Variants in TRIM25 observed in about 807,000 individuals in gnomAD.
TRIM25 encodes E3 ubiquitin/ISG15 ligase TRIM25.
In TRIM25, 45 loss-of-function variants were observed where a neutral mutation model predicts 65.2. The ratio of observed to expected loss-of-function variants is 0.69; its 90% CI spans 0.54 to 0.89. The LOEUF is 0.89. Ranked by LOEUF, TRIM25 falls within the 40% of genes least tolerant of loss-of-function variation. The probability of loss-of-function intolerance (pLI) is 0.00; values close to 1 mark genes in which losing one functional copy is unlikely to be tolerated. For synonymous variants in TRIM25, 321 were observed against 340.4 expected (o/e 0.94, Z 0.63); for missense variants, 714 against 803.7 (o/e 0.89, Z 1.35).
At chr17:56,901,900 T>C (rs540657055) in intron 3 of TRIM25, among the ~76,000 whole-genome samples, 96 of 152,210 alleles carry the variant, frequency 6.3e-4, no homozygotes, top group African/African-American at 2.3e-3. Context: ...TTCTTTCCAC[T>C]TTTCCAGCTA....
At chr17:56,894,391 G>A (rs1286383723) in intron 8 of TRIM25, among the ~76,000 whole-genome samples, 1 of 152,188 alleles carries the variant, frequency 6.6e-6, no homozygotes, top group East Asian at 1.9e-4. Context: ...TGGGATTATA[G>A]GCATGTGCCA....
intron 5 of TRIM25, among the ~76,000 whole-genome samples, chr17:56,896,286 T>C (rs1909291847): frequency 6.6e-6 from 1 of 151,608 alleles, no homozygotes; most frequent in Non-Finnish European, 1.5e-5. Context: ...AAAAAAGAGA[T>C]TTACTGCAGG....
chr17:56,898,822 A>G (rs1909350923), intron 5 of TRIM25: 3 of 332,266 alleles, frequency 9.0e-6, no homozygotes, highest in Admixed American at 9.2e-5. Flanking sequence ...CTGGACCGCC[A>G]TCAGTCTCCT....
At chr17:56,895,233 G>A in intron 8 of TRIM25, 110 bp downstream of exon 8, 1 of 762,830 alleles carries the variant, frequency 1.3e-6, no homozygotes, top group Non-Finnish European at 2.2e-6. Flanking sequence ...GAGGACAAGT[G>A]AAGGGGAGTG....
In TRIM25 at chr17:56,889,124, T is replaced by A. The variant is rs1263000298; in HGVS notation, c.*2576A>T. 1 of 152,208 alleles carries A rather than the reference T, an allele frequency of 6.6e-6. No individual in the cohort carries two copies. The highest frequency in any genetic ancestry group is 6.6e-5 in the Admixed American group (1 of 15,266). 9.4% of individuals were successfully genotyped at this position (152,208 alleles called of 1,614,324 possible). On this transcript the variant is annotated 3_prime_UTR_variant, in exon 9 of 9. Transcript: ENST00000316881. ...AAAGATAACATATTAGTATTATTGA[T>A]CACAGATCAATTTCAGAGTACTTAA...
In TRIM25 at chr17:56,913,998, A is replaced by T; in HGVS notation, c.-10T>A. ...GGCACAGCTCTGCCATGGCGCTCCCAGGGGTCGGGACACAACTGCTGCACC... is the reference window on the plus strand; with the variant it reads ...GGCACAGCTCTGCCATGGCGCTCCCTGGGGTCGGGACACAACTGCTGCACC... On this transcript the variant is annotated 5_prime_UTR_variant, in exon 1 of 9. Transcript: ENST00000316881. This position sits in a 1 kb window ranked among gnomAD's most constrained non-coding sequence, Gnocchi z 6.1. 1 of 1,517,466 alleles carries T rather than the reference A, an allele frequency of 6.6e-7. No individual in the cohort carries two copies. Among genetic ancestry groups the T allele is most frequent in the Non-Finnish European group, 8.9e-7 (1 of 1,126,798 alleles). 94.0% of individuals were successfully genotyped at this position (1,517,466 alleles called of 1,614,324 possible).
At position 56,892,371 on chromosome 17, in the gene TRIM25, A is replaced by G. The variant is rs906058312; in HGVS notation, c.1364-142T>C. 4.6e-6 allele frequency: 4 copies of G among 863,958 alleles called. No homozygotes were observed. In the South Asian group the frequency reaches 7.1e-5, roughly 15 times the overall value. The allele number at this position is 863,958 out of a possible 1,614,324, so 53.5% of individuals were successfully genotyped here. A position where few individuals can be genotyped will look rare whatever the true frequency, so the allele number is the denominator to read the frequency against. On this transcript the variant is annotated intron_variant, in intron 8 of 8. Transcript: ENST00000316881. Reference sequence around the variant, plus strand: ...CATTGGTCCATCCATCCACTCATCTATCCATCTGTCTGTCTATTCATCCAT... The same window carrying G: ...CATTGGTCCATCCATCCACTCATCTGTCCATCTGTCTGTCTATTCATCCAT...
At position 56,898,204 on chromosome 17, in the gene TRIM25, G is replaced by A. The variant is rs193155804; in HGVS notation, c.1153+911C>T. ...CTCAGCGATATATGAACATGTCAGC[G>A]GTATATGGACATGTCAGCAGTATAT... On this transcript the variant is annotated intron_variant, in intron 5 of 8. Coordinates refer to ENST00000316881, the MANE Select transcript of TRIM25 (RefSeq NM_005082.5). Among the ~76,000 whole-genome samples, 383 of 150,098 alleles carry A rather than the reference G, an allele frequency of 2.6e-3. 9 individuals carry two copies. The highest frequency in any genetic ancestry group is 3.4e-3 in the Admixed American group (51 of 15,216).
intron 8 of TRIM25, 119 bp from the exon 9 acceptor site, chr17:56,892,348 T>C (rs1909193417): frequency 8.9e-7 from 1 of 1,129,016 alleles, no homozygotes; most frequent in South Asian, 1.6e-5. Context: ...CATCTACCCA[T>C]TGGTCCATCC....
In TRIM25 at chr17:56,891,880, G is replaced by A. The variant is rs1697983169; in HGVS notation, c.1713C>T (p.Ser571=). ...WHNNVEKTLP[S]TKATRVGVLL... is the part of the protein sequence containing the mutation. ...GCACGCCCACCCGCGTGGCCTTGGT[G>A]GAGGGCAGGGTTTTCTCCACGTTAT... Residue 571 remains serine, a synonymous_variant, in exon 9 of 9, where the codon TCC becomes TCT. Coordinates refer to ENST00000316881, the MANE Select transcript of TRIM25 (RefSeq NM_005082.5). 1 of 1,614,242 alleles carries A rather than the reference G, an allele frequency of 6.2e-7. No homozygotes were observed. Among genetic ancestry groups the A allele is most frequent in the Non-Finnish European group, 8.5e-7 (1 of 1,180,042 alleles).
chr17:56,900,790 G>T (rs1214112797), intron 4 of TRIM25, among the ~76,000 whole-genome samples: 1 of 152,206 alleles, frequency 6.6e-6, no homozygotes, highest in Non-Finnish European at 1.5e-5. Flanking sequence ...CAGGGTCAAG[G>T]GTTTGGTCTG....
At chr17:56,899,004 A>G in intron 5 of TRIM25, 111 bp downstream of exon 5, 8 of 1,274,436 alleles carry the variant, frequency 6.3e-6, no homozygotes, top group Non-Finnish European at 9.0e-6. Context: ...CTTCTTTCCC[A>G]CTGAGGTCCA....
intron 8 of TRIM25, among the ~76,000 whole-genome samples, chr17:56,894,577 G>A (rs894186991): frequency 4.6e-5 from 7 of 152,308 alleles, no homozygotes; most frequent in East Asian, 1.9e-4. Context: ...ACAAGCATTC[G>A]GGTGAAAGGG....
intron 1 of TRIM25, among the ~76,000 whole-genome samples, chr17:56,909,684 CAA>C (rs34148848): frequency 1.9e-4 from 24 of 124,512 alleles, no homozygotes; most frequent in Admixed American, 5.0e-4. Flanking sequence ...GACCCTGTCT[CAA>C]AAAAAAAAAA....
chr17:56,914,024 C>G lies in TRIM25; in HGVS notation c.-36G>C, dbSNP rs750519536. On this transcript the variant is annotated 5_prime_UTR_variant, in exon 1 of 9. Transcript: ENST00000316881. ...GGGGTCGGGACACAACTGCTGCACC[C>G]GCGCTCCGAGGCCGCCGAGGAAACG... 4 of 1,429,420 alleles carry G rather than the reference C, an allele frequency of 2.8e-6. No individual in the cohort carries two copies. The highest frequency in any genetic ancestry group is 3.7e-6 in the Non-Finnish European group (4 of 1,083,930). The allele number at this position is 1,429,420 out of a possible 1,614,324, so 88.5% of individuals were successfully genotyped here. A position where few individuals can be genotyped will look rare whatever the true frequency, so the allele number is the denominator to read the frequency against.
chr17:56,893,600 G>A (rs1909228065), intron 8 of TRIM25, among the ~76,000 whole-genome samples: 1 of 152,266 alleles, frequency 6.6e-6, no homozygotes, highest in African/African-American at 2.4e-5. Flanking sequence ...CCTCCACATG[G>A]AAGTGGGTAC....
Position 56,891,681 on chromosome 17 carries a change from C to G in TRIM25, c.*19G>C, listed in dbSNP as rs1441424471. The G allele has an allele frequency of 3.7e-6, 6 of 1,603,296 alleles. No individual in the cohort carries two copies. On this transcript the variant is annotated 3_prime_UTR_variant, in exon 9 of 9. Coordinates refer to ENST00000316881, the MANE Select transcript of TRIM25 (RefSeq NM_005082.5). ...CTTGGGACTTCTGCAGGCAGTCAGC[C>G]CAAGTGCCTACAGCCTGCCTACTTG... is the stretch of plus-strand genomic sequence containing the variant.
At chr17:56,908,359 G>T in intron 2 of TRIM25, 109 bp downstream of exon 2, 1 of 1,030,224 alleles carries the variant, frequency 9.7e-7, no homozygotes, top group Non-Finnish European at 1.5e-6. Context: ...TCCTGACACT[G>T]TGAGTGCACC....
chr17:56,888,884 A>C lies in TRIM25; in HGVS notation c.*2816T>G, dbSNP rs752879786. 1.3e-5 allele frequency: 2 copies of C among 152,240 alleles called. No homozygotes were observed. Among genetic ancestry groups the C allele is most frequent in the African/African-American group, 4.8e-5 (2 of 41,452 alleles). 9.4% of individuals were successfully genotyped at this position (152,240 alleles called of 1,614,324 possible). A position where few individuals can be genotyped will look rare whatever the true frequency, so the allele number is the denominator to read the frequency against. On this transcript the variant is annotated 3_prime_UTR_variant, in exon 9 of 9. Coordinates refer to ENST00000316881, the MANE Select transcript of TRIM25 (RefSeq NM_005082.5). Reference sequence around the variant, plus strand: ...ATCTGCTGACAACAGTATGACGAACAAATAGCATTTTGTACCCGCACTACA... The same window carrying C: ...ATCTGCTGACAACAGTATGACGAACCAATAGCATTTTGTACCCGCACTACA...
Sources: allele counts gnomAD v4.1 joint callset (sites outside exome capture counted in the v4.1 genomes callset), GRCh38; gene constraint gnomAD v4.1.1; non-coding constraint Gnocchi (gnomAD v3.1); transcripts MANE v1.5; gene names NCBI Gene and HGNC (gene_info 2026-07-23, HGNC 2026-07-21).